The following TRPC7 variants were observed in gnomAD, a reference collection of about 807,000 sequenced individuals.
TRPC7 encodes short transient receptor potential channel 7.
Under a neutral mutation model 90.1 loss-of-function variants are expected in TRPC7, and 42 were observed. The observed-to-expected ratio is 0.47, with a 90% CI of 0.36 to 0.60. The LOEUF (loss-of-function observed/expected upper bound fraction) is 0.60. Among genes scored for constraint, TRPC7 ranks in the 20% least tolerant of loss-of-function variants. The pLI, the probability that TRPC7 is intolerant of heterozygous loss-of-function variation, is 0.00. For missense variants in TRPC7, 955 were observed against 1,112.3 expected (o/e 0.86, Z 2.01); for synonymous variants, 451 against 436.3 (o/e 1.03, Z -0.42).
At chr5:136,270,197 ATTT>A (rs1390429788) in intron 4 of TRPC7, among the ~76,000 whole-genome samples, 1 of 152,098 alleles carries the variant, frequency 6.6e-6, no homozygotes, top group African/African-American at 2.4e-5. Flanking sequence ...TGGGCGGTGC[ATTT>A]GCATGCAGCC....
At chr5:136,319,631 T>C (rs1333694505) in intron 2 of TRPC7, among the ~76,000 whole-genome samples, 1 of 152,164 alleles carries the variant, frequency 6.6e-6, no homozygotes, top group Non-Finnish European at 1.5e-5. Context: ...TCCTCTCCAC[T>C]GACTACTGTG....
At chr5:136,253,678 C>T (rs760032235) in intron 5 of TRPC7, among the ~76,000 whole-genome samples, 5 of 152,126 alleles carry the variant, frequency 3.3e-5, no homozygotes, top group African/African-American at 1.2e-4. Context: ...CCTGCTGTTT[C>T]CCTGTCTTTC....
intron 3 of TRPC7, among the ~76,000 whole-genome samples, chr5:136,293,950 C>T (rs1269402073): frequency 1.3e-5 from 2 of 152,094 alleles, no homozygotes; most frequent in African/African-American, 2.4e-5. Flanking sequence ...GAGATATAGA[C>T]CAATGGAACA....
chr5:136,331,622 C>A (rs1233994969), intron 2 of TRPC7, among the ~76,000 whole-genome samples: 1 of 152,200 alleles, frequency 6.6e-6, no homozygotes, highest in Non-Finnish European at 1.5e-5. Context: ...ATTCTGTTAG[C>A]TCAAAAGCTT....
At chr5:136,294,867 T>C (rs572186037) in intron 3 of TRPC7, among the ~76,000 whole-genome samples, 4 of 152,198 alleles carry the variant, frequency 2.6e-5, no homozygotes, top group Non-Finnish European at 4.4e-5. Context: ...CTATTCACAA[T>C]AGCAAAGACT....
At chr5:136,317,188 C>A (rs1401390445) in intron 2 of TRPC7, among the ~76,000 whole-genome samples, 1 of 152,110 alleles carries the variant, frequency 6.6e-6, no homozygotes, top group Non-Finnish European at 1.5e-5. Context: ...CCTCTCGGCT[C>A]AGGCGTGTAA....
intron 8 of TRPC7, among the ~76,000 whole-genome samples, chr5:136,228,261 G>A (rs1317365919): frequency 2.0e-5 from 3 of 151,872 alleles, no homozygotes; most frequent in East Asian, 1.9e-4. Flanking sequence ...TCCGAGGAGT[G>A]AGCAGTTCTC....
At chr5:136,273,536 A>T (rs1757269454) in intron 4 of TRPC7, among the ~76,000 whole-genome samples, 2 of 152,134 alleles carry the variant, frequency 1.3e-5, no homozygotes, top group African/African-American at 4.8e-5. Context: ...ACCTACTGTG[A>T]GGCAGTCAGT....
At chr5:136,333,202 C>T (rs1039429865) in intron 2 of TRPC7, among the ~76,000 whole-genome samples, 2 of 152,170 alleles carry the variant, frequency 1.3e-5, no homozygotes, top group Non-Finnish European at 2.9e-5. Context: ...ACATCAAAGA[C>T]AGGCTCTTAG....
chr5:136,352,601 T>C (rs1013435546), intron 2 of TRPC7, among the ~76,000 whole-genome samples: 2 of 152,154 alleles, frequency 1.3e-5, no homozygotes, highest in African/African-American at 2.4e-5. Context: ...TAGGTGCCTC[T>C]ACACAGAGAG....
At chr5:136,297,049 T>C (rs1393705094) in intron 3 of TRPC7, among the ~76,000 whole-genome samples, 1 of 152,126 alleles carries the variant, frequency 6.6e-6, no homozygotes, top group Non-Finnish European at 1.5e-5. Flanking sequence ...CCTTTATAGG[T>C]CCCCCACTGC....
chr5:136,331,759 G>A (rs1759507377), intron 2 of TRPC7, among the ~76,000 whole-genome samples: 1 of 152,098 alleles, frequency 6.6e-6, no homozygotes, highest in South Asian at 2.1e-4. Flanking sequence ...CTGGGTTATT[G>A]CTCACCCAAG....
At chr5:136,342,735 A>G (rs551646217) in intron 2 of TRPC7, among the ~76,000 whole-genome samples, 138 of 152,362 alleles carry the variant, frequency 9.1e-4, no homozygotes, top group Non-Finnish European at 1.8e-3. Flanking sequence ...GAATGCCAAA[A>G]TTAACAATAT....
chr5:136,268,084 A>T (rs555304375), intron 4 of TRPC7, among the ~76,000 whole-genome samples: 1 of 152,364 alleles, frequency 6.6e-6, no homozygotes, highest in East Asian at 1.9e-4. Flanking sequence ...TAAAAAACTG[A>T]ATTAAACCAT....
intron 3 of TRPC7, among the ~76,000 whole-genome samples, chr5:136,278,475 T>G (rs577257143): frequency 1.9e-4 from 29 of 152,270 alleles, no homozygotes; most frequent in Middle Eastern, 3.4e-3. Context: ...AGGCTGAAAG[T>G]GGTTTGCTAG....
intron 5 of TRPC7, among the ~76,000 whole-genome samples, chr5:136,257,684 A>G (rs1030199541): frequency 2.6e-5 from 4 of 152,288 alleles, no homozygotes; most frequent in South Asian, 2.1e-4. Context: ...CTATGTCTCA[A>G]GTATACCGTA....
Position 136,357,323 on chromosome 5 carries a change from C to CG in TRPC7, c.64dup (p.Arg22ProfsTer31). On this transcript the variant is annotated frameshift_variant, in exon 2 of 12. Coordinates refer to ENST00000513104, the MANE Select transcript of TRPC7 (RefSeq NM_020389.3). LOFTEE classifies it high-confidence loss of function. The stretch of plus-strand genomic sequence containing the variant: ...GGCGGGACCCCGGATGGCCTGGCGA[C>CG]GGCCCTTCTCCCTCAGCGTTGTGTG... 6.2e-7 allele frequency: 1 copy of CG among 1,607,372 alleles called. No individual in the cohort carries two copies. Among genetic ancestry groups the CG allele is most frequent in the Non-Finnish European group, 8.5e-7 (1 of 1,179,852 alleles).
intron 2 of TRPC7, among the ~76,000 whole-genome samples, chr5:136,349,270 T>G (rs1464002020): frequency 6.6e-6 from 1 of 152,326 alleles, no homozygotes; most frequent in South Asian, 2.1e-4. Context: ...TGGCCTATTT[T>G]TAACCATGGA....
At chr5:136,364,869 C>CT (rs1347923280) in intron 1 of TRPC7, among the ~76,000 whole-genome samples, 1 of 152,134 alleles carries the variant, frequency 6.6e-6, no homozygotes, top group Non-Finnish European at 1.5e-5. Flanking sequence ...AACCCTCTCC[C>CT]TTCTCTCACC....
Sources: gnomAD v4.1 joint callset for allele counts (sites outside exome capture counted in the v4.1 genomes callset) on GRCh38, gnomAD v4.1.1 for gene constraint, MANE v1.5 for transcripts, NCBI Gene and HGNC (gene_info 2026-07-23, HGNC 2026-07-21) for gene names.